The following SUPT3H variants were observed in gnomAD, a reference collection of about 807,000 sequenced individuals.
SUPT3H encodes the protein transcription initiation protein SPT3 homolog.
Under a neutral mutation model 44.3 loss-of-function variants are expected in SUPT3H, and 44 were observed. That is an observed-to-expected ratio of 0.99 (90% CI 0.78 to 1.28). The LOEUF (loss-of-function observed/expected upper bound fraction) is 1.28, where lower values mean the gene tolerates loss of function less well. Ranked by LOEUF, SUPT3H falls within the 50% of genes most tolerant of loss-of-function variation. SUPT3H has a pLI of 0.00. For synonymous variants in SUPT3H, 124 were observed against 125.6 expected (o/e 0.99, Z 0.09); for missense variants, 380 against 387.1 (o/e 0.98, Z 0.15).
At chr6:45,014,756 T>G in intron 5 of SUPT3H, 45 bp downstream of exon 5, 6 of 1,364,336 alleles carry the variant, frequency 4.4e-6, no homozygotes, top group Non-Finnish European at 6.0e-6. Flanking sequence ...CCAGCACACA[T>G]GTGTCATAAG....
intron 3 of SUPT3H, among the ~76,000 whole-genome samples, chr6:45,082,257 T>C (rs1795910356): frequency 6.6e-6 from 1 of 151,918 alleles, no homozygotes; most frequent in Admixed American, 6.6e-5. Context: ...TCCAAAAAAA[T>C]GAGGAAGAGG....
At position 45,371,954 on chromosome 6, in the gene SUPT3H, A is replaced by T. The variant is rs968692186; in HGVS notation, c.-1+5814T>A. ...AGGACACACTACTATTTAGTGATAC[A>T]AGCTGGGACTAAAACTGAGGTCCCC... is the stretch of plus-strand genomic sequence containing the variant. On this transcript the variant is annotated intron_variant, in intron 1 of 10. Transcript: ENST00000371459. 4 of 789,522 alleles carry T rather than the reference A, an allele frequency of 5.1e-6. No homozygotes were observed. In the East Asian group the frequency reaches 5.0e-4, roughly 99 times the overall value. 48.9% of individuals were successfully genotyped at this position (789,522 alleles called of 1,614,324 possible). A position where few individuals can be genotyped will look rare whatever the true frequency, so the allele number is the denominator to read the frequency against.
At chr6:45,079,907 A>G (rs980148476) in intron 3 of SUPT3H, among the ~76,000 whole-genome samples, 2 of 152,242 alleles carry the variant, frequency 1.3e-5, no homozygotes, top group African/African-American at 4.8e-5. Flanking sequence ...TTCTTGAGTA[A>G]TACCCCACCA....
chr6:44,912,267 A>C (rs1767171146), intron 10 of SUPT3H, among the ~76,000 whole-genome samples: 1 of 152,104 alleles, frequency 6.6e-6, no homozygotes, highest in South Asian at 2.1e-4. Context: ...TGTAGCTTCT[A>C]ATCTACTTTC....
chr6:44,910,458 C>T (rs1248639768), intron 10 of SUPT3H, among the ~76,000 whole-genome samples: 2 of 152,110 alleles, frequency 1.3e-5, no homozygotes, highest in African/African-American at 4.8e-5. Flanking sequence ...CAATGCACAT[C>T]CCCTTACTTA....
intron 6 of SUPT3H, among the ~76,000 whole-genome samples, chr6:44,994,709 C>A (rs1235450177): frequency 6.6e-6 from 1 of 152,098 alleles, no homozygotes; most frequent in East Asian, 1.9e-4. Flanking sequence ...CTTCTATAGT[C>A]ATTTGTGCTC....
chr6:45,018,856 C>T (rs1369997165), intron 4 of SUPT3H, among the ~76,000 whole-genome samples: 1 of 151,506 alleles, frequency 6.6e-6, no homozygotes, highest in Non-Finnish European at 1.5e-5. Context: ...ATGATGCTGG[C>T]CTCATAAAAT....
intron 2 of SUPT3H, among the ~76,000 whole-genome samples, chr6:45,185,413 T>A (rs186646082): frequency 2.0e-5 from 3 of 152,190 alleles, no homozygotes; most frequent in African/African-American, 7.2e-5. Flanking sequence ...CAAAGAGACT[T>A]GTGAAAACTG....
At chr6:45,050,335 A>G (rs2153535599) in intron 3 of SUPT3H, among the ~76,000 whole-genome samples, 1 of 149,160 alleles carries the variant, frequency 6.7e-6, no homozygotes, top group South Asian at 2.1e-4. Flanking sequence ...TCCATTTGAA[A>G]TACCTATAAA....
At chr6:44,905,482 A>G (rs1412085246) in intron 10 of SUPT3H, among the ~76,000 whole-genome samples, 2 of 150,700 alleles carry the variant, frequency 1.3e-5, no homozygotes, top group African/African-American at 2.4e-5. Context: ...ACCATCTCAC[A>G]CCAGTTAGAA....
At chr6:44,950,396 C>T (rs963781485) in intron 9 of SUPT3H, among the ~76,000 whole-genome samples, 3 of 152,152 alleles carry the variant, frequency 2.0e-5, no homozygotes, top group African/African-American at 4.8e-5. Flanking sequence ...TATTAATCTA[C>T]ATTTTCCTCA....
intron 2 of SUPT3H, among the ~76,000 whole-genome samples, chr6:45,315,974 T>TAGATAGATA (rs1554339651): frequency 6.7e-6 from 1 of 150,164 alleles, no homozygotes; most frequent in East Asian, 2.0e-4. Context: ...GATAGATAGA[T>TAGATAGATA]GATGGAATAC....
At position 45,373,417 on chromosome 6, in the gene SUPT3H, C is replaced by T. The variant is rs140719957; in HGVS notation, c.-1+4351G>A. ...ATATGTTTGGATAAATGAGATACAA[C>T]GGAAGGAACACATCAAGTGCCCAAG... On this transcript the variant is annotated intron_variant, in intron 1 of 10. Transcript: ENST00000371459. 1.4e-3 allele frequency among the ~76,000 whole-genome samples: 211 copies of T among 152,180 alleles called. 2 individuals carry two copies. The highest frequency in any genetic ancestry group is 5.4e-3 in the South Asian group (26 of 4,818).
intron 10 of SUPT3H, among the ~76,000 whole-genome samples, chr6:44,902,437 T>G (rs1452831041): frequency 1.3e-4 from 19 of 151,986 alleles, no homozygotes; most frequent in East Asian, 1.9e-4. Context: ...GACAAAGAAG[T>G]CCATAACATA....
Position 45,027,226 on chromosome 6 carries a change from A to C in SUPT3H, c.187-6594T>G, listed in dbSNP as rs1432572572. ...GGCTGGCTGGGAACTTCTGGGCTCA[A>C]GTAATCTGCCCACTTTGGTGTCCCA... On this transcript the variant is annotated intron_variant, in intron 3 of 10. Transcript: ENST00000371459. 2.6e-5 allele frequency among the ~76,000 whole-genome samples: 4 copies of C among 152,064 alleles called. No individual in the cohort carries two copies. In the East Asian group the frequency reaches 7.7e-4, roughly 29 times the overall value.
chr6:45,019,046 A>C, intron 4 of SUPT3H, among the ~76,000 whole-genome samples: 1 of 152,154 alleles, frequency 6.6e-6, no homozygotes, highest in Non-Finnish European at 1.5e-5. Context: ...GTCTATTCAG[A>C]GATTCAACTT....
At chr6:45,315,918 T>C (rs1016559568) in intron 2 of SUPT3H, among the ~76,000 whole-genome samples, 7 of 137,450 alleles carry the variant, frequency 5.1e-5, no homozygotes, top group African/African-American at 1.6e-4. Context: ...GAAGCTCAGA[T>C]AGACAGATAG....
intron 10 of SUPT3H, among the ~76,000 whole-genome samples, chr6:44,867,944 T>C (rs1232771528): frequency 6.8e-6 from 1 of 147,926 alleles, no homozygotes; most frequent in Non-Finnish European, 1.5e-5. Context: ...CCCCCATCCC[T>C]ACCTTCTCAA....
intron 6 of SUPT3H, among the ~76,000 whole-genome samples, chr6:44,965,143 G>C (rs1190054419): frequency 1.3e-5 from 2 of 152,120 alleles, no homozygotes; most frequent in African/African-American, 4.8e-5. Context: ...CGAGGCCCTG[G>C]GTCAGCAAAT....
Sources: allele counts gnomAD v4.1 joint callset (sites outside exome capture counted in the v4.1 genomes callset), GRCh38; gene constraint gnomAD v4.1.1; transcripts MANE v1.5; gene names NCBI Gene and HGNC (gene_info 2026-07-23, HGNC 2026-07-21).